The following CEP164 variants were observed in gnomAD, a reference collection of about 807,000 sequenced individuals.
The protein encoded by CEP164 is centrosomal protein of 164 kDa.
A neutral mutation model predicts 182.7 loss-of-function variants in CEP164; 162 were observed. The ratio of observed to expected loss-of-function variants is 0.89; its 90% CI spans 0.78 to 1.01. The LOEUF (loss-of-function observed/expected upper bound fraction) is 1.01, where lower values mean the gene tolerates loss of function less well. Among genes scored for constraint, CEP164 ranks in the 50% least tolerant of loss-of-function variants. The pLI, the probability that CEP164 is intolerant of heterozygous loss-of-function variation, is 0.00. For missense variants in CEP164, 1,735 were observed against 1,790.4 expected (o/e 0.97, Z 0.56); for synonymous variants, 661 against 690.0 (o/e 0.96, Z 0.66).
intron 17 of CEP164, among the ~76,000 whole-genome samples, chr11:117,391,796 C>T (rs2044690280): frequency 6.6e-6 from 1 of 152,190 alleles, no homozygotes; most frequent in Non-Finnish European, 1.5e-5. Context: ...GTACAGTGCA[C>T]TTCCCTACTC....
At chr11:117,333,646 A>G (rs767860551) in intron 1 of CEP164, among the ~76,000 whole-genome samples, 3 of 152,010 alleles carry the variant, frequency 2.0e-5, no homozygotes, top group African/African-American at 7.3e-5. Context: ...CTCCCGCCTC[A>G]GTCTCCCCTG....
In CEP164 at chr11:117,361,890, T is replaced by C. The variant is rs1172850241; in HGVS notation, c.449T>C (p.Leu150Ser). 9 of 1,614,062 alleles carry C rather than the reference T, an allele frequency of 5.6e-6. No individual in the cohort carries two copies. In the East Asian group the frequency reaches 2.0e-4, roughly 36 times the overall value. The part of the protein sequence containing the change: ...VHVPLGGLAP[L>S]RGLVDTPPSA... ...GTTCCTCTTGGGGGCCTGGCTCCTT[T>C]ACGAGGTCTTGTGGATACCCCACCC... Residue 150 changes from leucine (L) to serine (S), a missense_variant, in exon 6 of 33, where the codon TTA becomes TCA. Physicochemically the swap from Leu to Ser is moderately radical, Grantham distance 145. Transcript: ENST00000278935.
upstream of CEP164, among the ~76,000 whole-genome samples, chr11:117,323,233 A>G (rs1261784839): frequency 6.6e-6 from 1 of 151,940 alleles, no homozygotes; most frequent in Non-Finnish European, 1.5e-5. Context: ...ATACTCATTG[A>G]CCAACCTTTT....
chr11:117,387,541 T>C, intron 15 of CEP164, 129 bp downstream of exon 15: 1 of 821,714 alleles, frequency 1.2e-6, no homozygotes, highest in South Asian at 1.8e-5. Context: ...GTTGGGAAAC[T>C]TGACCCAACA....
intron 4 of CEP164, 112 bp downstream of exon 4, chr11:117,344,389 A>C: frequency 1.4e-6 from 1 of 700,684 alleles, no homozygotes; most frequent in South Asian, 1.8e-5. Flanking sequence ...CTGTACAGTC[A>C]GGGACAGTAC....
At position 117,411,933 on chromosome 11, in the gene CEP164, G is replaced by T. The variant is rs1281745077; in HGVS notation, c.4286+16G>T. ...ACCCCAGGTTGTATCCTTTTACCTG[G>T]TTCCCAAACTGGGCTGGGCTGTGGG... is the stretch of plus-strand genomic sequence containing the variant. On this transcript the variant is annotated intron_variant, in intron 32 of 32. Transcript: ENST00000278935. The surrounding 1 kb of genome is among the most constrained non-coding windows in gnomAD (Gnocchi z 4.4). 3 of 1,613,704 alleles carry T rather than the reference G, an allele frequency of 1.9e-6. No homozygotes were observed. Among genetic ancestry groups the T allele is most frequent in the South Asian group, 1.1e-5 (1 of 90,956 alleles).
At chr11:117,352,936 T>C (rs893976314) in intron 5 of CEP164, among the ~76,000 whole-genome samples, 24 of 152,202 alleles carry the variant, frequency 1.6e-4, no homozygotes, top group African/African-American at 5.8e-4. Flanking sequence ...AAAGTGTTCA[T>C]ATTAATTATT....
rs192007338 is a variant in CEP164, at chr11:117,357,174, A to G, written c.394-4661A>G. Among the ~76,000 whole-genome samples, 27 of 145,166 alleles carry G rather than the reference A, an allele frequency of 1.9e-4. No homozygotes were observed. The East Asian group carries it at 3.4e-3, about 18-fold the overall frequency. ...GTGCAGTGGATCTTGGCTCACTGCA[A>G]TCTGCACCTCCATCGCTTGAATCCC... On this transcript the variant is annotated intron_variant, in intron 5 of 32. Transcript: ENST00000278935.
intron 27 of CEP164, among the ~76,000 whole-genome samples, chr11:117,401,496 A>G (rs2046130724): frequency 6.6e-6 from 1 of 152,194 alleles, no homozygotes; most frequent in African/African-American, 2.4e-5. Flanking sequence ...GGCTTCATAA[A>G]ATGAGTTAGG....
intron 4 of CEP164, among the ~76,000 whole-genome samples, chr11:117,345,297 C>G (rs7936772): frequency 5.9e-5 from 9 of 152,166 alleles, no homozygotes; most frequent in African/African-American, 2.2e-4. Flanking sequence ...TCTTCCTCCT[C>G]CTCCTGAGGA....
At chr11:117,386,581 C>T (rs1044490514) in intron 14 of CEP164, 1 of 152,846 alleles carries the variant, frequency 6.5e-6, no homozygotes, top group Non-Finnish European at 1.5e-5. Flanking sequence ...TGCATGCTTG[C>T]TACATTTTTT....
At chr11:117,353,739 T>G (rs2039952728) in intron 5 of CEP164, among the ~76,000 whole-genome samples, 1 of 152,026 alleles carries the variant, frequency 6.6e-6, no homozygotes, top group Admixed American at 6.6e-5. Flanking sequence ...ATGCAAGTGG[T>G]TTGGACTGTC....
intron 27 of CEP164, among the ~76,000 whole-genome samples, chr11:117,405,584 G>A (rs1300787627): frequency 1.3e-5 from 2 of 152,174 alleles, no homozygotes; most frequent in Non-Finnish European, 2.9e-5. Context: ...GCAGACTGGA[G>A]CTGTTCCTAT....
rs369844101 is a variant in CEP164 at position 117,392,278 on chromosome 11, C to G, written c.2336C>G (p.Ser779Cys). The G allele has an allele frequency of 3.1e-6, 5 of 1,611,762 alleles. No homozygotes were observed. Residue 779 changes from serine to cysteine, a missense_variant, in exon 18 of 33, where the codon TCC (serine) becomes TGC (cysteine). Transcript: ENST00000278935. ...EHSAELERLC[S>C]SLEAKHREVV... is the part of the protein sequence containing the mutation. ...AGTGCTGAGCTGGAGCGGCTCTGCT[C>G]CTCATTGGAGGCCAAGCACCGGGAG...
intron 9 of CEP164, among the ~76,000 whole-genome samples, chr11:117,372,980 A>G (rs1040649278): frequency 6.6e-6 from 1 of 152,176 alleles, no homozygotes. Flanking sequence ...AAATGGACAG[A>G]AGTAAGCCTG....
chr11:117,392,663 C>G, intron 19 of CEP164, 36 bp downstream of exon 19: 1 of 1,603,076 alleles, frequency 6.2e-7, no homozygotes, highest in Non-Finnish European at 8.5e-7. Context: ...TCGTGTGCGC[C>G]TGTTGTGGAC....
chr11:117,324,813 C>A (rs1339499529), upstream of CEP164, among the ~76,000 whole-genome samples: 1 of 152,100 alleles, frequency 6.6e-6, no homozygotes, highest in African/African-American at 2.4e-5. Context: ...ACCAGCCTGG[C>A]CAACATGGTG....
intron 1 of CEP164, among the ~76,000 whole-genome samples, chr11:117,331,963 A>G (rs2036277956): frequency 7.0e-6 from 1 of 143,174 alleles, no homozygotes; most frequent in Non-Finnish European, 1.5e-5. Flanking sequence ...CCACAGGTGC[A>G]CGCCACCATG....
chr11:117,393,950 A>G (rs1291624219), intron 20 of CEP164, among the ~76,000 whole-genome samples: 1 of 152,246 alleles, frequency 6.6e-6, no homozygotes, highest in Non-Finnish European at 1.5e-5. Flanking sequence ...GACTCTTTCT[A>G]GGATCTTTCC....
Sources: gnomAD v4.1 joint callset for allele counts (sites outside exome capture counted in the v4.1 genomes callset) on GRCh38, gnomAD v4.1.1 for gene constraint, Gnocchi (gnomAD v3.1) non-coding constraint, MANE v1.5 for transcripts, NCBI Gene and HGNC (gene_info 2026-07-23, HGNC 2026-07-21) for gene names.